Variants in CAPN14 observed in about 807,000 individuals in gnomAD.
The protein encoded by CAPN14 is calpain 14.
CAPN14 carries 94 observed loss-of-function variants against 101.3 expected under a neutral mutation model. That is an observed-to-expected ratio of 0.93 (90% CI 0.79 to 1.10). The LOEUF is 1.10. Among genes scored for constraint, CAPN14 ranks in the 50% least tolerant of loss-of-function variants. The pLI is 0.00. For missense variants in CAPN14, 837 were observed against 828.4 expected (o/e 1.01, Z -0.13); for synonymous variants, 338 against 317.9 (o/e 1.06, Z -0.67).
intron 1 of CAPN14, among the ~76,000 whole-genome samples, chr2:31,214,855 A>T (rs1682569313): frequency 6.6e-6 from 1 of 152,176 alleles, no homozygotes; most frequent in Non-Finnish European, 1.5e-5. Context: ...AGCTGAACCA[A>T]ATATGAGGCT....
chr2:31,176,792 A>T, intron 20 of CAPN14, 150 bp from the exon 21 acceptor site: 1 of 758,018 alleles, frequency 1.3e-6, no homozygotes, highest in Non-Finnish European at 2.3e-6. Context: ...ACGCAGCCAC[A>T]TCTATGATAA....
intron 7 of CAPN14, among the ~76,000 whole-genome samples, chr2:31,198,077 A>G (rs1681560677): frequency 6.6e-6 from 1 of 152,214 alleles, no homozygotes; most frequent in African/African-American, 2.4e-5. Flanking sequence ...TCACTAATCT[A>G]AAGGGAAAAG....
rs1365744110 is a variant in CAPN14 at position 31,181,444 on chromosome 2, T to TTC, written c.1646-445_1646-444insGA. 2.3e-4 allele frequency among the ~76,000 whole-genome samples: 29 copies of TTC among 123,626 alleles called. No homozygotes were observed. In the South Asian group the frequency reaches 6.4e-3, roughly 27 times the overall value. 81.1% of individuals were successfully genotyped at this position (123,626 alleles called of 152,430 possible). The stretch of plus-strand genomic sequence containing the variant: ...TTTCTTTCTTTCTTTCTTTCTTTCT[T>TTC]TTTCTTTCTTTTTTTCTCTTTTTCT... On this transcript the variant is annotated intron_variant, in intron 16 of 21. Coordinates refer to ENST00000403897, the MANE Select transcript of CAPN14 (RefSeq NM_001145122.2).
At chr2:31,185,452 C>G (rs577657709) in intron 16 of CAPN14, among the ~76,000 whole-genome samples, 1 of 152,182 alleles carries the variant, frequency 6.6e-6, no homozygotes, top group East Asian at 1.9e-4. Context: ...TCTCATAGGA[C>G]TAAATGAAAG....
At chr2:31,185,728 A>G (rs1274366690) in intron 16 of CAPN14, among the ~76,000 whole-genome samples, 1 of 152,172 alleles carries the variant, frequency 6.6e-6, no homozygotes, top group Non-Finnish European at 1.5e-5. Flanking sequence ...CTGGACTGTA[A>G]TTTGTCTGGA....
In CAPN14 at chr2:31,187,830, C is replaced by A; in HGVS notation, c.1531-16G>T. 1 of 1,542,168 alleles carries A rather than the reference C, an allele frequency of 6.5e-7. No individual in the cohort carries two copies. The highest frequency in any genetic ancestry group is 8.8e-7 in the Non-Finnish European group (1 of 1,138,622). On this transcript the variant is annotated splice_polypyrimidine_tract_variant and intron_variant, in intron 14 of 21. Coordinates refer to ENST00000403897, the MANE Select transcript of CAPN14 (RefSeq NM_001145122.2). The stretch of plus-strand genomic sequence containing the variant: ...CTTCTATCTCCTATAGGAAGAGACA[C>A]ACAGAAAGACACAATTATTCACCTG...
At chr2:31,182,886 TA>T (rs1281576273) in intron 16 of CAPN14, among the ~76,000 whole-genome samples, 1 of 150,484 alleles carries the variant, frequency 6.6e-6, no homozygotes, top group African/African-American at 2.4e-5. Flanking sequence ...AAGTCAATCC[TA>T]AGCCAAAAGA....
At chr2:31,185,887 A>G (rs980574528) in intron 16 of CAPN14, among the ~76,000 whole-genome samples, 3 of 152,190 alleles carry the variant, frequency 2.0e-5, no homozygotes, top group Non-Finnish European at 4.4e-5. Flanking sequence ...CTCCAAATAT[A>G]TGTATAAAAT....
rs146741419 is a variant in CAPN14 at position 31,227,257 on chromosome 2, C to T, written c.-176-606G>A. On this transcript the variant is annotated intron_variant and NMD_transcript_variant, in intron 1 of 21. Transcript: ENST00000398824. Reference sequence around the variant, plus strand: ...TCAGGTTAGCTCTGCTCCTGCTGCACCCAGGGATGAAACTGACTTTCTGCC... The same window carrying T: ...TCAGGTTAGCTCTGCTCCTGCTGCATCCAGGGATGAAACTGACTTTCTGCC... Among the ~76,000 whole-genome samples, 1,343 of 152,290 alleles carry T rather than the reference C, an allele frequency of 8.8e-3. 25 individuals carry two copies. The highest frequency in any genetic ancestry group is 0.011 in the Non-Finnish European group (732 of 68,020).
At chr2:31,195,649 T>A (rs2886305) in intron 8 of CAPN14, among the ~76,000 whole-genome samples, 30,257 of 152,018 alleles carry the variant, frequency 0.2, 3,333 homozygotes, top group East Asian at 0.37. Context: ...AAGACTTTAT[T>A]GAATACATGG....
At chr2:31,178,750 C>T (rs1337334381) in intron 17 of CAPN14, among the ~76,000 whole-genome samples, 171 bp from the exon 18 acceptor site, 1 of 152,066 alleles carries the variant, frequency 6.6e-6, no homozygotes, top group Non-Finnish European at 1.5e-5. Flanking sequence ...CAGCCCAGGG[C>T]TCCCTCACTC....
upstream of CAPN14, among the ~76,000 whole-genome samples, chr2:31,218,709 C>T (rs1021295856): frequency 1.3e-5 from 2 of 152,192 alleles, no homozygotes; most frequent in Non-Finnish European, 1.5e-5. Flanking sequence ...CATGGCAACT[C>T]GCCCAAGATA....
At chr2:31,225,950 C>T (rs1683009740) in intron 2 of CAPN14, among the ~76,000 whole-genome samples, 2 of 151,982 alleles carry the variant, frequency 1.3e-5, no homozygotes, top group Admixed American at 1.3e-4. Flanking sequence ...ATTTTAAAAA[C>T]ATACTAGTAA....
intron 1 of CAPN14, among the ~76,000 whole-genome samples, chr2:31,210,899 A>G (rs575483019): frequency 1.3e-5 from 2 of 152,198 alleles, no homozygotes; most frequent in Admixed American, 1.3e-4. Context: ...TTTAAAATCT[A>G]CTGTTTCTGG....
chr2:31,222,649 G>C (rs1487565955), intron 2 of CAPN14, among the ~76,000 whole-genome samples: 1 of 152,170 alleles, frequency 6.6e-6, no homozygotes, highest in Non-Finnish European at 1.5e-5. Flanking sequence ...TCATAATTGT[G>C]ATTATTCACT....
At position 31,203,086 on chromosome 2, in the gene CAPN14, C is replaced by T; in HGVS notation, c.279G>A (p.Leu93=). 6.4e-7 allele frequency: 1 copy of T among 1,551,660 alleles called. No individual in the cohort carries two copies. The highest frequency in any genetic ancestry group is 1.2e-5 in the South Asian group (1 of 84,056). ...CAAACTTACCTACTATCCCCTGGCA[C>T]AGATCCAGCCTTTTGGCCTTGGCAA... ...FYFAKAKRLD[L]CQGIVGDCWF... The change falls in exon 3 of 22, where the codon CTG becomes CTA. Residue 93 remains leucine, a synonymous_variant. Coordinates refer to ENST00000403897, the MANE Select transcript of CAPN14 (RefSeq NM_001145122.2).
At position 31,174,313 on chromosome 2, in the gene CAPN14, T is replaced by G. The variant is rs1680191600; in HGVS notation, c.*368A>C. On this transcript the variant is annotated 3_prime_UTR_variant, in exon 22 of 22. Transcript: ENST00000403897. Reference sequence around the variant, plus strand: ...CCCCACCATGTGAGAACATGTGGCATGTCTAAAGTCACTTGAGTTTGCAGC... The same window carrying G: ...CCCCACCATGTGAGAACATGTGGCAGGTCTAAAGTCACTTGAGTTTGCAGC... The G allele has an allele frequency of 1.7e-5, 6 of 352,556 alleles. No homozygotes were observed. Among genetic ancestry groups the G allele is most frequent in the Non-Finnish European group, 3.1e-5 (6 of 192,608 alleles). The allele number at this position is 352,556 out of a possible 1,614,324, so 21.8% of individuals were successfully genotyped here. A position where few individuals can be genotyped will look rare whatever the true frequency, so the allele number is the denominator to read the frequency against.
At chr2:31,189,185 C>T in intron 13 of CAPN14, 88 bp downstream of exon 13, 1 of 1,181,366 alleles carries the variant, frequency 8.5e-7, no homozygotes, top group East Asian at 2.6e-5. Context: ...CAGCAGAGAT[C>T]CTGGTTTCTG....
At chr2:31,185,985 G>T (rs1399387576) in intron 16 of CAPN14, among the ~76,000 whole-genome samples, 1 of 151,976 alleles carries the variant, frequency 6.6e-6, no homozygotes, top group African/African-American at 2.4e-5. Context: ...TCTTCTAGGT[G>T]GTGTGCTCTC....
Sources: allele counts gnomAD v4.1 joint callset (sites outside exome capture counted in the v4.1 genomes callset), GRCh38; gene constraint gnomAD v4.1.1; transcripts MANE v1.5; gene names NCBI Gene and HGNC (gene_info 2026-07-23, HGNC 2026-07-21).